Variants in ME3 observed in about 807,000 individuals in gnomAD.
The protein encoded by ME3 is NADP-dependent malic enzyme, mitochondrial.
ME3 carries 48 observed loss-of-function variants against 68.9 expected under a neutral mutation model. The ratio of observed to expected loss-of-function variants is 0.70; its 90% CI spans 0.55 to 0.89. ME3 has a LOEUF of 0.89. ME3 is among the 40% of genes least tolerant of loss of function. ME3 has a pLI of 0.00. For missense variants in ME3, 675 were observed against 797.4 expected (o/e 0.85, Z 1.85); for synonymous variants, 320 against 318.8 (o/e 1.00, Z -0.04).
rs769283044 is a variant in ME3 at position 86,446,489 on chromosome 11, T to C, written c.1381-2A>G. 2.5e-6 allele frequency: 4 copies of C among 1,614,136 alleles called. No homozygotes were observed. Among genetic ancestry groups the C allele is most frequent in the African/African-American group, 1.3e-5 (1 of 75,060 alleles). On this transcript the variant is annotated splice_acceptor_variant, in intron 12 of 14. Coordinates refer to ENST00000543262, the Ensembl canonical transcript of ME3. LOFTEE classifies it high-confidence loss of function. ...TCCACTGGCAAAAATCCCTCGGCCC[T>C]GGAGGCAGGAAGAAAACCAGAGATG... is the stretch of plus-strand genomic sequence containing the variant.
At chr11:86,560,768 A>ATATATATATATATATATATATATATATG in intron 2 of ME3, among the ~76,000 whole-genome samples, 1 of 135,062 alleles carries the variant, frequency 7.4e-6, no homozygotes, top group South Asian at 2.4e-4. Flanking sequence ...ATATATATAT[A>ATATATATATATATATATATATATATATG]TATATTTCCA....
intron 2 of ME3, among the ~76,000 whole-genome samples, chr11:86,664,855 G>T (rs1946494961): frequency 6.6e-6 from 1 of 152,092 alleles, no homozygotes; most frequent in African/African-American, 2.4e-5. Context: ...TTCTTCCCTG[G>T]GCTCTGCTTA....
At chr11:86,438,771 CTCTT>C (rs1948911192), downstream of ME3, among the ~76,000 whole-genome samples, 1 of 151,926 alleles carries the variant, frequency 6.6e-6, no homozygotes, top group African/African-American at 2.4e-5. Context: ...TTTCCTTTCT[CTCTT>C]TCTTTCTCTT....
intron 10 of ME3, among the ~76,000 whole-genome samples, chr11:86,448,499 C>A (rs1949450144): frequency 6.6e-6 from 1 of 152,082 alleles, no homozygotes. Flanking sequence ...TATGGAGAAT[C>A]CATAAAGAAT....
In ME3 at chr11:86,487,484, C is replaced by G. The variant is rs749560894; in HGVS notation, c.706-44G>C. On this transcript the variant is annotated intron_variant, in intron 6 of 14. Coordinates refer to ENST00000543262, the Ensembl canonical transcript of ME3. Reference sequence around the variant, plus strand: ...ATTGACTGAGCCTACTCCCGGTGTTCCTGTTTTTTTTTTTTCCAACAAGTA... The same window carrying G: ...ATTGACTGAGCCTACTCCCGGTGTTGCTGTTTTTTTTTTTTCCAACAAGTA... The G allele has an allele frequency of 6.6e-6, 10 of 1,513,890 alleles. No homozygotes were observed. In the African/African-American group the frequency reaches 9.8e-5, roughly 15 times the overall value. The allele number at this position is 1,513,890 out of a possible 1,614,324, so 93.8% of individuals were successfully genotyped here. A position where few individuals can be genotyped will look rare whatever the true frequency, so the allele number is the denominator to read the frequency against.
chr11:86,622,326 A>G (rs1943398554), intron 2 of ME3, among the ~76,000 whole-genome samples: 1 of 151,944 alleles, frequency 6.6e-6, no homozygotes, highest in South Asian at 2.1e-4. Flanking sequence ...TTAAAAATGC[A>G]TTACATACTA....
chr11:86,617,053 T>TTG (rs1943017297), intron 2 of ME3, among the ~76,000 whole-genome samples: 3 of 70,100 alleles, frequency 4.3e-5, no homozygotes, highest in East Asian at 4.5e-4. Context: ...TAGTTTTTTT[T>TTG]TTTTTTTTTT....
intron 4 of ME3, among the ~76,000 whole-genome samples, chr11:86,529,763 AT>A (rs1955061505): frequency 2.0e-5 from 3 of 152,364 alleles, no homozygotes; most frequent in Non-Finnish European, 4.4e-5. Context: ...AAACCACATG[AT>A]TATCTCAATA....
At chr11:86,528,075 G>C (rs569163057) in intron 4 of ME3, among the ~76,000 whole-genome samples, 1 of 152,296 alleles carries the variant, frequency 6.6e-6, no homozygotes, top group South Asian at 2.1e-4. Context: ...TGGATAAAGA[G>C]TCAAGACCCA....
At chr11:86,608,356 A>C (rs1177782347) in intron 2 of ME3, among the ~76,000 whole-genome samples, 1 of 152,110 alleles carries the variant, frequency 6.6e-6, no homozygotes, top group Non-Finnish European at 1.5e-5. Flanking sequence ...GCTGGAGACC[A>C]CTCTGTAATG....
At chr11:86,570,463 G>T (rs2139542733) in intron 2 of ME3, among the ~76,000 whole-genome samples, 1 of 152,258 alleles carries the variant, frequency 6.6e-6, no homozygotes, top group South Asian at 2.1e-4. Flanking sequence ...TGAGGCTGCT[G>T]TTCCCTGCAC....
intron 4 of ME3, among the ~76,000 whole-genome samples, chr11:86,522,369 T>G (rs1954387324): frequency 1.3e-5 from 2 of 152,006 alleles, no homozygotes; most frequent in African/African-American, 4.8e-5. Flanking sequence ...TTCTTTTTTT[T>G]TTTTTTACAT....
chr11:86,487,925 C>T (rs755979800), intron 6 of ME3, among the ~76,000 whole-genome samples: 33 of 152,206 alleles, frequency 2.2e-4, no homozygotes, highest in Non-Finnish European at 3.5e-4. Flanking sequence ...CGCCTGTAAT[C>T]TCAGCACTTC....
At chr11:86,536,197 GGC>G (rs1369301478) in intron 4 of ME3, among the ~76,000 whole-genome samples, 2 of 152,114 alleles carry the variant, frequency 1.3e-5, no homozygotes, top group Admixed American at 1.3e-4. Flanking sequence ...AGAAAACCTA[GGC>G]ATTACCATTC....
At chr11:86,607,180 A>G (rs893890438) in intron 2 of ME3, among the ~76,000 whole-genome samples, 2 of 152,166 alleles carry the variant, frequency 1.3e-5, no homozygotes, top group Non-Finnish European at 2.9e-5. Flanking sequence ...AGCCATGAAG[A>G]AATCTACCAA....
chr11:86,530,964 A>C (rs1594321210), intron 4 of ME3, among the ~76,000 whole-genome samples: 1 of 152,164 alleles, frequency 6.6e-6, no homozygotes, highest in East Asian at 1.9e-4. Flanking sequence ...TAAAACACCA[A>C]AAGCAATGGC....
intron 6 of ME3, among the ~76,000 whole-genome samples, chr11:86,488,608 G>A (rs1951828140): frequency 6.6e-6 from 1 of 152,166 alleles, no homozygotes; most frequent in African/African-American, 2.4e-5. Context: ...TGGGTTATCT[G>A]TGTGTGCGTT....
intron 2 of ME3, among the ~76,000 whole-genome samples, chr11:86,616,328 GA>G (rs2135232487): frequency 6.6e-6 from 1 of 152,202 alleles, no homozygotes; most frequent in Non-Finnish European, 1.5e-5. Context: ...TTTTCAACAT[GA>G]AAATACTGGA....
intron 5 of ME3, among the ~76,000 whole-genome samples, chr11:86,503,990 C>T (rs1036890230): frequency 6.6e-6 from 1 of 152,226 alleles, no homozygotes; most frequent in Non-Finnish European, 1.5e-5. Flanking sequence ...GCAGCCTGGC[C>T]TGGCCCGCCC....
Sources: gnomAD v4.1 joint callset for allele counts (sites outside exome capture counted in the v4.1 genomes callset) on GRCh38, gnomAD v4.1.1 for gene constraint, MANE v1.5 for transcripts, NCBI Gene and HGNC (gene_info 2026-07-23, HGNC 2026-07-21) for gene names.